The following LPP variants were observed in gnomAD, a reference collection of about 807,000 sequenced individuals.
LPP encodes LIM domain containing preferred translocation partner in lipoma, also known as lipoma-preferred partner.
A neutral mutation model predicts 60.4 loss-of-function variants in LPP; 38 were observed. The observed-to-expected ratio is 0.63, with a 90% CI of 0.49 to 0.83. LPP has a LOEUF of 0.83. LPP is among the 40% of genes least tolerant of loss of function. LPP has a pLI of 0.00. For missense variants in LPP, 902 were observed against 783.6 expected, an observed-to-expected ratio of 1.15 and a Z score of -1.80; for synonymous variants, 328 against 290.8, an observed-to-expected ratio of 1.13 and a Z score of -1.30.
intron 1 of LPP, among the ~76,000 whole-genome samples, chr3:188,220,194 C>A (rs1715242673): frequency 6.6e-6 from 1 of 152,124 alleles, no homozygotes; most frequent in Non-Finnish European, 1.5e-5. Flanking sequence ...TAAAAATGGT[C>A]TGATTCTCCC....
At chr3:188,723,493 AC>A (rs1343976816) in intron 8 of LPP, among the ~76,000 whole-genome samples, 1 of 152,130 alleles carries the variant, frequency 6.6e-6, no homozygotes, top group African/African-American at 2.4e-5. Flanking sequence ...CAGAGACTGG[AC>A]CCTCTATTGA....
intron 9 of LPP, among the ~76,000 whole-genome samples, chr3:188,826,747 T>G (rs950659905): frequency 6.6e-6 from 1 of 152,090 alleles, no homozygotes; most frequent in African/African-American, 2.4e-5. Flanking sequence ...CTAATTGTCC[T>G]GGCTGAAAGT....
intron 6 of LPP, among the ~76,000 whole-genome samples, chr3:188,560,647 T>A (rs1014710944): frequency 6.6e-6 from 1 of 152,126 alleles, no homozygotes; most frequent in Admixed American, 6.6e-5. Flanking sequence ...TTTGATTTAC[T>A]GGATATTCAA....
At chr3:188,203,474 AATAT>A (rs1246116448) in intron 1 of LPP, among the ~76,000 whole-genome samples, 1 of 87,338 alleles carries the variant, frequency 1.1e-5, no homozygotes, top group African/African-American at 4.8e-5. Context: ...TATATTTTTA[AATAT>A]ATATATATTT....
chr3:188,644,314 G>C (rs767377865), intron 7 of LPP, among the ~76,000 whole-genome samples: 1 of 152,168 alleles, frequency 6.6e-6, no homozygotes, highest in Non-Finnish European at 1.5e-5. Flanking sequence ...CAATTCTAGT[G>C]AAAGAAGTAA....
In LPP at chr3:188,874,353, T is replaced by C; in HGVS notation, c.1713T>C (p.Asp571=). 1.9e-6 allele frequency: 3 copies of C among 1,613,564 alleles called. No homozygotes were observed. Among genetic ancestry groups the C allele is most frequent in the Non-Finnish European group, 2.5e-6 (3 of 1,179,588 alleles). The stretch of plus-strand genomic sequence containing the variant: ...TCCATCTGTCTTTACTGTTCTAGGA[T>C]TGCGGTGGTCTCCTGTCTGAAGGAG... The part of the protein sequence containing the change: ...DFHVHCYRCE[D]CGGLLSEGDN... The change falls in exon 12 of 12, where the codon GAT becomes GAC. Residue 571 remains aspartate (D), a splice_region_variant and synonymous_variant. Coordinates refer to ENST00000617246, the MANE Select transcript of LPP (RefSeq NM_001375462.1).
intron 7 of LPP, among the ~76,000 whole-genome samples, chr3:188,671,250 C>T (rs1856895456): frequency 6.6e-6 from 1 of 152,164 alleles, no homozygotes; most frequent in Non-Finnish European, 1.5e-5. Flanking sequence ...CCCATAGGAC[C>T]TAGCATTGCC....
At chr3:188,436,696 A>G (rs1792392780) in intron 4 of LPP, among the ~76,000 whole-genome samples, 2 of 152,196 alleles carry the variant, frequency 1.3e-5, no homozygotes, top group South Asian at 4.1e-4. Context: ...CAATTAGAAA[A>G]TAATTAGGTG....
At chr3:188,679,140 A>C (rs1215726468) in intron 7 of LPP, among the ~76,000 whole-genome samples, 3 of 152,172 alleles carry the variant, frequency 2.0e-5, no homozygotes, top group Non-Finnish European at 4.4e-5. Context: ...AACTCAGTGG[A>C]TCTGGTCTCC....
chr3:188,723,506 C>T (rs1013876873), intron 8 of LPP, among the ~76,000 whole-genome samples: 1 of 152,126 alleles, frequency 6.6e-6, no homozygotes, highest in Non-Finnish European at 1.5e-5. Context: ...CTCTATTGAA[C>T]GTCTGGTCCC....
intron 3 of LPP, among the ~76,000 whole-genome samples, chr3:188,373,263 A>T (rs1386853128): frequency 6.6e-6 from 1 of 152,182 alleles, no homozygotes; most frequent in African/African-American, 2.4e-5. Context: ...CTAGTTCTAG[A>T]TCCCTGAGGA....
chr3:188,519,945 G>A (rs1014880045), intron 5 of LPP, among the ~76,000 whole-genome samples: 1 of 152,124 alleles, frequency 6.6e-6, no homozygotes, highest in Non-Finnish European at 1.5e-5. Flanking sequence ...AGTGATAGTT[G>A]GCCTGAAATA....
intron 6 of LPP, among the ~76,000 whole-genome samples, chr3:188,566,482 G>T (rs556230064): frequency 6.6e-6 from 1 of 151,824 alleles, no homozygotes; most frequent in South Asian, 2.1e-4. Flanking sequence ...TCTTAACTGT[G>T]ATCAGCCTAA....
chr3:188,804,300 A>G (rs1016733170), intron 9 of LPP, among the ~76,000 whole-genome samples: 1 of 121,394 alleles, frequency 8.2e-6, no homozygotes, highest in Non-Finnish European at 1.7e-5. Flanking sequence ...AATACAATTC[A>G]GCCATAAAAA....
At chr3:188,839,523 G>A (rs1222468452) in intron 9 of LPP, among the ~76,000 whole-genome samples, 1 of 152,156 alleles carries the variant, frequency 6.6e-6, no homozygotes, top group African/African-American at 2.4e-5. Flanking sequence ...ACAGCAAGGT[G>A]ATAAGGCGCA....
At chr3:188,442,073 T>C (rs1023402116) in intron 4 of LPP, among the ~76,000 whole-genome samples, 1 of 152,338 alleles carries the variant, frequency 6.6e-6, no homozygotes, top group South Asian at 2.1e-4. Flanking sequence ...CAATAACTAT[T>C]GAATGAATGA....
intron 6 of LPP, among the ~76,000 whole-genome samples, chr3:188,533,291 A>G (rs530100823): frequency 1.3e-5 from 2 of 152,304 alleles, no homozygotes; most frequent in African/African-American, 4.8e-5. Context: ...ATATTATTCA[A>G]TGCAAGTCAA....
At chr3:188,174,177 G>C (rs1029797044) in intron 1 of LPP, among the ~76,000 whole-genome samples, 2 of 152,198 alleles carry the variant, frequency 1.3e-5, no homozygotes, top group Non-Finnish European at 1.5e-5. Context: ...ACAAAGAAGA[G>C]TTATTCATGA....
chr3:188,674,521 T>C (rs1477375516), intron 7 of LPP, among the ~76,000 whole-genome samples: 2 of 152,154 alleles, frequency 1.3e-5, no homozygotes, highest in Non-Finnish European at 2.9e-5. Flanking sequence ...CCTCAATTGG[T>C]TTTGTTAACA....
Sources: gnomAD v4.1 joint callset for allele counts (sites outside exome capture counted in the v4.1 genomes callset) on GRCh38, gnomAD v4.1.1 for gene constraint, MANE v1.5 for transcripts, NCBI Gene and HGNC (gene_info 2026-07-23, HGNC 2026-07-21) for gene names.